The following MOB3C variants were observed in gnomAD, a reference collection of about 807,000 sequenced individuals.
MOB3C encodes MOB kinase activator 3C.
In MOB3C, 17 loss-of-function variants were observed where a neutral mutation model predicts 19.8. That is an observed-to-expected ratio of 0.86 (90% CI 0.59 to 1.29). The LOEUF (loss-of-function observed/expected upper bound fraction) is 1.29, where lower values mean the gene tolerates loss of function less well. MOB3C is among the 50% of genes most tolerant of loss of function. The pLI is 0.00. For synonymous variants in MOB3C, 101 were observed against 119.2 expected, an observed-to-expected ratio of 0.85 and a Z score of 0.99; for missense variants, 291 against 301.9, an observed-to-expected ratio of 0.96 and a Z score of 0.27.
At chr1:46,615,038 G>A in intron 1 of MOB3C, 2 of 1,613,142 alleles carry the variant, frequency 1.2e-6, no homozygotes, top group Non-Finnish European at 1.7e-6. Flanking sequence ...CCCAGGGTGG[G>A]ACCCCAGTTT....
chr1:46,614,743 G>T (rs1675532533), intron 1 of MOB3C: 1 of 501,716 alleles, frequency 2.0e-6, no homozygotes, highest in Non-Finnish European at 3.6e-6. Context: ...GGAAGGGAGG[G>T]TGGGAACCAG....
At chr1:46,609,813 C>T (rs1410683442) in intron 3 of MOB3C, 129 bp from the exon 4 acceptor site, 7 of 1,362,398 alleles carry the variant, frequency 5.1e-6, no homozygotes, top group Non-Finnish European at 7.1e-6. Context: ...AACTCTTAGG[C>T]TGCAGATCTG....
rs1675467125 is a variant in MOB3C at position 46,611,287 on chromosome 1, C to T, written c.419-1083G>A. On this transcript the variant is annotated intron_variant, in intron 2 of 3. Coordinates refer to ENST00000319928, the MANE Select transcript of MOB3C (RefSeq NM_201403.3). The surrounding 1 kb of genome is among the most constrained non-coding windows in gnomAD (Gnocchi z 4.1). The stretch of plus-strand genomic sequence containing the variant: ...AACAGAAGTGCTTATAAAGGTGAAG[C>T]TGCTAGCCCAAGGCCACATAAGTAT... Among the ~76,000 whole-genome samples the T allele has an allele frequency of 6.6e-6, 1 of 152,226 alleles. No homozygotes were observed. Among genetic ancestry groups the T allele is most frequent in the African/African-American group, 2.4e-5 (1 of 41,442 alleles).
intron 2 of MOB3C, among the ~76,000 whole-genome samples, chr1:46,612,589 G>A (rs1052250482): frequency 5.3e-5 from 8 of 150,528 alleles, no homozygotes; most frequent in Admixed American, 6.6e-5. Context: ...GCTTGAACCC[G>A]GGGGGCAGAG....
rs1273816574 is a variant in MOB3C at position 46,610,200 on chromosome 1, A to T, written c.423T>A (p.Val141=). ...CCTGCTGGAAGTTCTTAGGGAAGGGAACTCCTAGAGGGCAGGGGAGGGCAG... is the reference window on the plus strand; with the variant it reads ...CCTGCTGGAAGTTCTTAGGGAAGGGTACTCCTAGAGGGCAGGGGAGGGCAG... ...DEEVFPTRVG[V]PFPKNFQQVC... The change falls in exon 3 of 4, where the codon GTT becomes GTA. Residue 141 remains valine, a synonymous_variant. Transcript: ENST00000319928. 1 of 1,613,778 alleles carries T rather than the reference A, an allele frequency of 6.2e-7. No homozygotes were observed.
rs760885130 is a variant in MOB3C at position 46,613,344 on chromosome 1, T to C, written c.-23A>G. On this transcript the variant is annotated 5_prime_UTR_variant, in exon 2 of 4. Coordinates refer to ENST00000319928, the MANE Select transcript of MOB3C (RefSeq NM_201403.3). ...CATGGCCAGCTGGGCCTGGGGCTGC[T>C]GTCCAGGGGCTCGGACCTGAGGATA... The C allele has an allele frequency of 5.6e-6, 9 of 1,600,332 alleles. No individual in the cohort carries two copies. In the Admixed American group the frequency reaches 8.3e-5, roughly 15 times the overall value.
chr1:46,614,770 A>T, intron 1 of MOB3C: 1 of 541,730 alleles, frequency 1.8e-6, no homozygotes, highest in Non-Finnish European at 3.3e-6. Flanking sequence ...CCTGGGTAAA[A>T]GCAAAGGGAT....
chr1:46,610,395 C>G (rs759344997), intron 2 of MOB3C, among the ~76,000 whole-genome samples, 191 bp from the exon 3 acceptor site: 14 of 151,978 alleles, frequency 9.2e-5, no homozygotes, highest in Non-Finnish European at 1.9e-4. Context: ...TTCTTTTTTT[C>G]TTTCCTTTTT....
rs1479239356 is a variant in MOB3C, at chr1:46,613,364, A to C, written c.-43T>G. On this transcript the variant is annotated 5_prime_UTR_variant, in exon 2 of 4. Coordinates refer to ENST00000319928, the MANE Select transcript of MOB3C (RefSeq NM_201403.3). Reference sequence around the variant, plus strand: ...GCTGCTGTCCAGGGGCTCGGACCTGAGGATACCCTGCCAGGGACAAGGGCA... The same window carrying C: ...GCTGCTGTCCAGGGGCTCGGACCTGCGGATACCCTGCCAGGGACAAGGGCA... The C allele has an allele frequency of 6.3e-7, 1 of 1,595,358 alleles. No homozygotes were observed. Among genetic ancestry groups the C allele is most frequent in the Middle Eastern group, 1.7e-4 (1 of 6,032 alleles).
Position 46,611,296 on chromosome 1 carries a change from C to T in MOB3C, c.419-1092G>A, listed in dbSNP as rs572117624. On this transcript the variant is annotated intron_variant, in intron 2 of 3. Coordinates refer to ENST00000319928, the MANE Select transcript of MOB3C (RefSeq NM_201403.3). This position sits in a 1 kb window ranked among gnomAD's most constrained non-coding sequence, Gnocchi z 4.1. ...GCTTATAAAGGTGAAGCTGCTAGCCCAAGGCCACATAAGTATTAATCAGTG... is the reference window on the plus strand; with the variant it reads ...GCTTATAAAGGTGAAGCTGCTAGCCTAAGGCCACATAAGTATTAATCAGTG... Among the ~76,000 whole-genome samples the T allele has an allele frequency of 2.0e-5, 3 of 152,272 alleles. No homozygotes were observed. The highest frequency in any genetic ancestry group is 7.2e-5 in the African/African-American group (3 of 41,538).
Position 46,612,975 on chromosome 1 carries a change from C to A in MOB3C, c.347G>T (p.Arg116Leu), listed in dbSNP as rs763711743. The change falls in exon 2 of 4, where the codon CGC (arginine) becomes CTC (leucine). Residue 116 changes from arginine (R) to leucine (L), a missense_variant. Transcript: ENST00000319928. ...YRRPAKLSAP[R>L]YMALLMDWIE... ...CCAGTCCATGAGCAATGCCATATAG[C>A]GCGGCGCAGAGAGCTTGGCGGGCCG... The A allele has an allele frequency of 1.9e-6, 3 of 1,609,506 alleles. No individual in the cohort carries two copies. The highest frequency in any genetic ancestry group is 3.3e-4 in the Middle Eastern group (2 of 6,050).
intron 1 of MOB3C, chr1:46,616,196 C>A (rs138510143): frequency 6.6e-6 from 1 of 152,356 alleles, no homozygotes; most frequent in Non-Finnish European, 1.5e-5. Context: ...GCTGACCCTA[C>A]CTGTTTCTGA....
At position 46,611,465 on chromosome 1, in the gene MOB3C, T is replaced by C. The variant is rs1006225325; in HGVS notation, c.419-1261A>G. ...TTGGTGGCTTATGCCCTCTTCTCTG[T>C]GTGGCAGTCACCCAGGGTTTTAGGC... On this transcript the variant is annotated intron_variant, in intron 2 of 3. Coordinates refer to ENST00000319928, the MANE Select transcript of MOB3C (RefSeq NM_201403.3). This position sits in a 1 kb window ranked among gnomAD's most constrained non-coding sequence, Gnocchi z 4.1. Among the ~76,000 whole-genome samples, 2 of 152,200 alleles carry C rather than the reference T, an allele frequency of 1.3e-5. No individual in the cohort carries two copies. The highest frequency in any genetic ancestry group is 2.9e-5 in the Non-Finnish European group (2 of 68,026).
chr1:46,607,977 A>G lies in MOB3C; in HGVS notation c.*1678T>C, dbSNP rs1029495586. 2.0e-5 allele frequency: 3 copies of G among 152,198 alleles called. No individual in the cohort carries two copies. Among genetic ancestry groups the G allele is most frequent in the Non-Finnish European group, 2.9e-5 (2 of 68,070 alleles). The allele number at this position is 152,198 out of a possible 1,614,324, so 9.4% of individuals were successfully genotyped here. A position where few individuals can be genotyped will look rare whatever the true frequency, so the allele number is the denominator to read the frequency against. On this transcript the variant is annotated 3_prime_UTR_variant, in exon 4 of 4. Transcript: ENST00000319928. Reference sequence around the variant, plus strand: ...CCAGCTGGCTGGGCCCAAGAGCTCCATCTGTTTCCCCAAAGTACAGGCAGC... The same window carrying G: ...CCAGCTGGCTGGGCCCAAGAGCTCCGTCTGTTTCCCCAAAGTACAGGCAGC...
At chr1:46,614,880 C>T in intron 1 of MOB3C, 2 of 990,810 alleles carry the variant, frequency 2.0e-6, no homozygotes, top group Non-Finnish European at 3.1e-6. Context: ...CAAAGGCAGG[C>T]CAGGATGGGG....
rs141966856 is a variant in MOB3C at position 46,610,045 on chromosome 1, A to C, written c.578T>G (p.Ile193Ser). The change falls in exon 3 of 4, where the codon ATC becomes AGC. Residue 193 changes from isoleucine to serine, a missense_variant. By Grantham distance (142) the Ile-to-Ser change is moderately radical. Coordinates refer to ENST00000319928, the MANE Select transcript of MOB3C (RefSeq NM_201403.3). ...CTGGTCCACCAGACTGAACTCGCGG[A>C]TGAAGTAGTAGAAGTGCTTGTAGCA... ...NTCYKHFYYF[I>S]REFSLVDQRE... The C allele has an allele frequency of 4.5e-5, 73 of 1,614,094 alleles. No individual in the cohort carries two copies. The highest frequency in any genetic ancestry group is 1.6e-4 in the Middle Eastern group (1 of 6,082).
chr1:46,608,288 C>T lies in MOB3C; in HGVS notation c.*1367G>A, dbSNP rs1336090414. 6.6e-6 allele frequency: 1 copy of T among 152,316 alleles called. No individual in the cohort carries two copies. The highest frequency in any genetic ancestry group is 1.5e-5 in the Non-Finnish European group (1 of 68,132). The allele number at this position is 152,316 out of a possible 1,614,324, so 9.4% of individuals were successfully genotyped here. On this transcript the variant is annotated 3_prime_UTR_variant, in exon 4 of 4. Transcript: ENST00000319928. The surrounding 1 kb of genome is among the most constrained non-coding windows in gnomAD (Gnocchi z 4.5). ...CTTCTTCTCCTGGCTTCAGTTTCCC[C>T]GTATGTACATTGAGACAGTAAGACT...
chr1:46,613,371 C>G lies in MOB3C; in HGVS notation c.-50G>C. ...TCCAGGGGCTCGGACCTGAGGATACCCTGCCAGGGACAAGGGCATAGGGGA... is the reference window on the plus strand; with the variant it reads ...TCCAGGGGCTCGGACCTGAGGATACGCTGCCAGGGACAAGGGCATAGGGGA... On this transcript the variant is annotated splice_region_variant and 5_prime_UTR_variant, in exon 2 of 4. Transcript: ENST00000319928. 1 of 1,593,454 alleles carries G rather than the reference C, an allele frequency of 6.3e-7. No individual in the cohort carries two copies. The highest frequency in any genetic ancestry group is 1.3e-5 in the African/African-American group (1 of 74,814).
At chr1:46,614,903 A>C (rs1675534954) in intron 1 of MOB3C, 4 of 1,280,960 alleles carry the variant, frequency 3.1e-6, no homozygotes, top group Non-Finnish European at 4.5e-6. Context: ...AGTCTGGTAA[A>C]ATGAGAGCAG....
Sources: allele counts gnomAD v4.1 joint callset (sites outside exome capture counted in the v4.1 genomes callset), GRCh38; gene constraint gnomAD v4.1.1; non-coding constraint Gnocchi (gnomAD v3.1); transcripts MANE v1.5; gene names NCBI Gene and HGNC (gene_info 2026-07-23, HGNC 2026-07-21).